DNM1L: variants seen among roughly 807,000 people sequenced by gnomAD.
DNM1L encodes dynamin-1-like protein.
In DNM1L, 33 loss-of-function variants were observed where a neutral mutation model predicts 92.8. That is an observed-to-expected ratio of 0.36 (90% CI 0.27 to 0.48). The LOEUF (loss-of-function observed/expected upper bound fraction) is 0.48, where lower values mean the gene tolerates loss of function less well. Among genes scored for constraint, DNM1L ranks in the 20% least tolerant of loss-of-function variants. DNM1L has a pLI of 0.99. For missense variants in DNM1L, 485 were observed against 888.8 expected (o/e 0.55, Z 5.78); for synonymous variants, 284 against 305.0 (o/e 0.93, Z 0.72).
At chr12:32,718,249 C>T (rs1225511040) in intron 6 of DNM1L, among the ~76,000 whole-genome samples, 1 of 150,532 alleles carries the variant, frequency 6.6e-6, no homozygotes, top group Admixed American at 6.8e-5. Flanking sequence ...TCAAGCAATT[C>T]TCCTGCTTCA....
At chr12:32,705,572 A>G (rs2137326165) in intron 2 of DNM1L, 1 of 370,754 alleles carries the variant, frequency 2.7e-6, no homozygotes. Context: ...ATGGCAAGCA[A>G]TATGCTTTGT....
Position 32,743,464 on chromosome 12 carries a change from C to T in DNM1L, c.*54C>T, listed in dbSNP as rs1955459096. ...TGACTCAAAACTTGCTAGTTACTGC[C>T]TACCTGAGTAGAATCTTATTTATGA... On this transcript the variant is annotated 3_prime_UTR_variant, in exon 20 of 20. Transcript: ENST00000549701. The T allele has an allele frequency of 6.5e-7, 1 of 1,532,970 alleles. No individual in the cohort carries two copies. The allele number at this position is 1,532,970 out of a possible 1,614,324, so 95.0% of individuals were successfully genotyped here. A position where few individuals can be genotyped will look rare whatever the true frequency, so the allele number is the denominator to read the frequency against.
Position 32,743,264 on chromosome 12 carries a change from A to T in DNM1L, c.2155-90A>T, listed in dbSNP as rs116426943. ...TAAACTGGTTAGTTATAAACCTACC[A>T]CATATATATTGGAAAAATTACCCTG... On this transcript the variant is annotated intron_variant, in intron 19 of 19. Coordinates refer to ENST00000549701, the MANE Select transcript of DNM1L (RefSeq NM_012062.5). 646 of 1,147,012 alleles carry T rather than the reference A, an allele frequency of 5.6e-4. 2 individuals carry two copies. In the African/African-American group the frequency reaches 8.9e-3, roughly 16 times the overall value. The allele number at this position is 1,147,012 out of a possible 1,614,324, so 71.1% of individuals were successfully genotyped here.
rs912600713 is a variant in DNM1L, at chr12:32,737,748, C to A, written c.1597-117C>A. ...ATAAACAATCTCCCATGATTATTTT[C>A]ATCTTTCATGTTATTTTACGATTTC... is the stretch of plus-strand genomic sequence containing the variant. On this transcript the variant is annotated intron_variant, in intron 14 of 19. Transcript: ENST00000549701. The A allele has an allele frequency of 9.0e-5, 72 of 801,142 alleles. No homozygotes were observed. In the Admixed American group the frequency reaches 1.4e-3, roughly 16 times the overall value. 49.6% of individuals were successfully genotyped at this position (801,142 alleles called of 1,614,324 possible).
chr12:32,706,778 G>A (rs1952944248), intron 2 of DNM1L: 1 of 440,356 alleles, frequency 2.3e-6, no homozygotes, highest in South Asian at 1.6e-5. Context: ...AATAATGAGA[G>A]AGCTCTTTAA....
chr12:32,722,438 A>G lies in DNM1L; in HGVS notation c.884A>G (p.His295Arg), dbSNP rs1412490222. 1.2e-6 allele frequency: 2 copies of G among 1,612,080 alleles called. No homozygotes were observed. Among genetic ancestry groups the G allele is most frequent in the Non-Finnish European group, 1.7e-6 (2 of 1,179,552 alleles). Residue 295 changes from histidine (H) to arginine (R), a missense_variant, in exon 9 of 20, where the codon CAT (histidine) becomes CGT (arginine). Physicochemically the swap from His to Arg is conservative, Grantham distance 29. Around this residue, in one of 11 missense-constraint regions of DNM1L, gnomAD observed 40 missense variants for 128.7 expected, o/e 0.31. Transcript: ENST00000549701. ...LARTLNRLLM[H>R]HIRDCLPELK... ...CTAACCTTTTTTAGGTTACTGATGCATCACATCAGAGATTGTTTACCAGAG... is the reference window on the plus strand; with the variant it reads ...CTAACCTTTTTTAGGTTACTGATGCGTCACATCAGAGATTGTTTACCAGAG...
intron 7 of DNM1L, among the ~76,000 whole-genome samples, chr12:32,719,600 A>G (rs1953712010): frequency 6.6e-6 from 1 of 151,950 alleles, no homozygotes; most frequent in Admixed American, 6.6e-5. Context: ...ACAAGATTTT[A>G]ATAGATTGGT....
intron 18 of DNM1L, among the ~76,000 whole-genome samples, chr12:32,741,012 T>C (rs190575954): frequency 3.9e-5 from 6 of 152,310 alleles, no homozygotes; most frequent in Admixed American, 3.9e-4. Context: ...ATAGGGAGAA[T>C]ATACATTTAG....
At chr12:32,694,933 A>G (rs1353094066) in intron 1 of DNM1L, among the ~76,000 whole-genome samples, 2 of 152,186 alleles carry the variant, frequency 1.3e-5, no homozygotes, top group Admixed American at 6.5e-5. Flanking sequence ...CACATCGATA[A>G]TGGGTGAGTG....
intron 1 of DNM1L, among the ~76,000 whole-genome samples, chr12:32,685,446 T>C (rs11831712): frequency 0.38 from 56,803 of 149,520 alleles, 13,079 homozygotes; most frequent in African/African-American, 0.65. Context: ...CCGCAACCTC[T>C]GCCTCCCAGG....
chr12:32,744,728 A>G lies in DNM1L; in HGVS notation c.*1318A>G. 1 of 367,452 alleles carries G rather than the reference A, an allele frequency of 2.7e-6. No individual in the cohort carries two copies. The highest frequency in any genetic ancestry group is 5.2e-6 in the Non-Finnish European group (1 of 191,970). The allele number at this position is 367,452 out of a possible 1,614,324, so 22.8% of individuals were successfully genotyped here. A position where few individuals can be genotyped will look rare whatever the true frequency, so the allele number is the denominator to read the frequency against. On this transcript the variant is annotated 3_prime_UTR_variant, in exon 20 of 20. Transcript: ENST00000549701. ...AACTCCGTCTCAAAAAAAAAAAATA[A>G]AACAACACCCAGATAGATACACATA...
intron 18 of DNM1L, among the ~76,000 whole-genome samples, chr12:32,741,508 C>T (rs1344789033): frequency 1.3e-5 from 2 of 152,206 alleles, no homozygotes; most frequent in South Asian, 2.1e-4. Flanking sequence ...TGGTCTCGAA[C>T]TCCTGACGTC....
chr12:32,679,700 C>T, intron 1 of DNM1L: 2 of 1,226,452 alleles, frequency 1.6e-6, no homozygotes, highest in Non-Finnish European at 2.0e-6. Flanking sequence ...GGAGCCGGCG[C>T]GGCGGGCCTG....
At chr12:32,714,227 C>T (rs1565513802) in intron 6 of DNM1L, among the ~76,000 whole-genome samples, 1 of 150,772 alleles carries the variant, frequency 6.6e-6, no homozygotes, top group Non-Finnish European at 1.5e-5. Flanking sequence ...CTAAGACTGC[C>T]AATCTGCCAA....
chr12:32,735,334 C>T (rs1954797877), intron 13 of DNM1L, among the ~76,000 whole-genome samples: 1 of 152,158 alleles, frequency 6.6e-6, no homozygotes, highest in South Asian at 2.1e-4. Context: ...AAAGCAGGTA[C>T]TCCACATCTG....
chr12:32,703,015 G>T (rs1223460631), intron 2 of DNM1L, among the ~76,000 whole-genome samples: 2 of 150,890 alleles, frequency 1.3e-5, no homozygotes, highest in African/African-American at 4.9e-5. Context: ...CTGAAACTAA[G>T]ACCTTAAGAC....
chr12:32,727,453 A>T, intron 9 of DNM1L: 54 of 538,098 alleles, frequency 1.0e-4, no homozygotes, highest in East Asian at 1.8e-4. Flanking sequence ...TCAGGGCAGC[A>T]GTGGTGGTGG....
In DNM1L at chr12:32,718,781, G is replaced by C; in HGVS notation, c.740+18G>C. 6.2e-7 allele frequency: 1 copy of C among 1,612,864 alleles called. No homozygotes were observed. The highest frequency in any genetic ancestry group is 8.5e-7 in the Non-Finnish European group (1 of 1,179,266). ...GTTAACAGGTTAGCAGTTAGAATGG[G>C]ATAAGAATTGGGATAAGCATTCTTA... On this transcript the variant is annotated intron_variant, in intron 7 of 19. Transcript: ENST00000549701.
intron 6 of DNM1L, among the ~76,000 whole-genome samples, chr12:32,718,027 A>T (rs1227979397): frequency 1.6e-5 from 2 of 126,054 alleles, no homozygotes; most frequent in South Asian, 4.5e-4. Context: ...ATATATTATA[A>T]ATATATACTA....
Sources: gnomAD v4.1 joint callset for allele counts (sites outside exome capture counted in the v4.1 genomes callset) on GRCh38, gnomAD v4.1.1 for gene constraint, gnomAD v4.1.1 regional missense constraint, MANE v1.5 for transcripts, NCBI Gene and HGNC (gene_info 2026-07-23, HGNC 2026-07-21) for gene names.